The following GPC3 variants were observed in gnomAD, a reference collection of about 807,000 sequenced individuals.
The protein encoded by GPC3 is glypican 3, also known as glypican-3.
GPC3 carries 3 observed loss-of-function variants against 34.4 expected under a neutral mutation model. That is an observed-to-expected ratio of 0.09 (90% CI 0.04 to 0.23). The LOEUF is 0.23. GPC3 is among the 10% of genes least tolerant of loss of function. The pLI, the probability that GPC3 is intolerant of heterozygous loss-of-function variation, is 1.00. For synonymous variants in GPC3, 177 were observed against 174.0 expected, an observed-to-expected ratio of 1.02 and a Z score of -0.13; for missense variants, 351 against 445.6, an observed-to-expected ratio of 0.79 and a Z score of 1.91.
At chrX:133,817,014 T>G (rs749485526) in intron 2 of GPC3, among the ~76,000 whole-genome samples, 2 of 112,057 alleles carry the variant, frequency 1.8e-5, no homozygotes, top group Non-Finnish European at 3.8e-5. Flanking sequence ...ACAGTTTCCA[T>G]TGTACCCCGA....
chrX:133,879,296 G>T (rs1371951858), intron 2 of GPC3, among the ~76,000 whole-genome samples: 2 of 110,814 alleles, frequency 1.8e-5, no homozygotes, highest in Admixed American at 1.9e-4. Context: ...CATGTATAGA[G>T]TCCAGGTTTC....
Position 133,805,782 on chromosome X carries a change from C to T in GPC3, c.338-51606G>A, listed in dbSNP as rs73567020. Among the ~76,000 whole-genome samples the T allele has an allele frequency of 1.8e-3, 205 of 111,910 alleles. 1 individual carries two copies. Among genetic ancestry groups the T allele is most frequent in the African/African-American group, 5.8e-3 (180 of 30,832 alleles). On this transcript the variant is annotated intron_variant, in intron 2 of 7. Coordinates refer to ENST00000370818, the MANE Select transcript of GPC3 (RefSeq NM_004484.4). The stretch of plus-strand genomic sequence containing the variant: ...TAAAGTATATGGCACATAGCAGGCC[C>T]TGTATAAATGCTAGCTATTATCCTT...
chrX:133,978,491 C>T (rs1172814791), intron 1 of GPC3, among the ~76,000 whole-genome samples: 1 of 111,152 alleles, frequency 9.0e-6, no homozygotes. Context: ...AAATACTTAC[C>T]TCTTATAAGA....
chrX:133,871,383 C>T (rs886341331), intron 2 of GPC3, among the ~76,000 whole-genome samples: 1 of 111,970 alleles, frequency 8.9e-6, no homozygotes, highest in Non-Finnish European at 1.9e-5. Flanking sequence ...CTTACATCGA[C>T]CTCTAGCTTT....
At chrX:133,679,170 A>C (rs1569412409) in intron 5 of GPC3, among the ~76,000 whole-genome samples, 2 of 111,336 alleles carry the variant, frequency 1.8e-5, no homozygotes, top group Non-Finnish European at 3.8e-5. Flanking sequence ...GACATTCCTC[A>C]AGTCCTTGAG....
At chrX:133,810,752 A>T (rs925963378) in intron 2 of GPC3, among the ~76,000 whole-genome samples, 2 of 108,815 alleles carry the variant, frequency 1.8e-5, no homozygotes, top group Non-Finnish European at 3.8e-5. Context: ...AAAAATACAA[A>T]AAATTAGCCG....
intron 2 of GPC3, among the ~76,000 whole-genome samples, chrX:133,805,392 G>C (rs2056205864): frequency 9.0e-6 from 1 of 111,704 alleles, no homozygotes; most frequent in Admixed American, 9.5e-5. Flanking sequence ...AAAGGGAGCA[G>C]GGGCAGCCTA....
chrX:133,581,933 T>C (rs2069735488), intron 7 of GPC3, among the ~76,000 whole-genome samples: 1 of 112,357 alleles, frequency 8.9e-6, no homozygotes, highest in South Asian at 3.7e-4. Context: ...ATTTTAAGTT[T>C]ATTCTGTGCT....
At chrX:133,948,796 T>C (rs1032330711) in intron 2 of GPC3, among the ~76,000 whole-genome samples, 1 of 111,562 alleles carries the variant, frequency 9.0e-6, no homozygotes, top group African/African-American at 3.3e-5. Context: ...TAAGTACTCT[T>C]TTGTCTGTAC....
chrX:133,694,023 G>A (rs1449991452), intron 4 of GPC3, among the ~76,000 whole-genome samples: 1 of 110,443 alleles, frequency 9.1e-6, no homozygotes, highest in Non-Finnish European at 1.9e-5. Flanking sequence ...ACAGTATGAG[G>A]CCTTCTAAAT....
chrX:133,673,192 C>T (rs2070849944), intron 5 of GPC3, among the ~76,000 whole-genome samples: 1 of 112,359 alleles, frequency 8.9e-6, no homozygotes, highest in South Asian at 3.7e-4. Flanking sequence ...CCTGCCTCGG[C>T]CTCCCAAAGT....
intron 2 of GPC3, among the ~76,000 whole-genome samples, chrX:133,950,983 A>C (rs1168420086): frequency 9.2e-6 from 1 of 108,859 alleles, no homozygotes; most frequent in Non-Finnish European, 1.9e-5. Context: ...GCTCAGACAT[A>C]ATTTCATTGT....
Position 133,715,928 on chromosome X carries a change from C to T in GPC3, c.1033-15900G>A, listed in dbSNP as rs768450071. On this transcript the variant is annotated intron_variant, in intron 3 of 7. Transcript: ENST00000370818. The stretch of plus-strand genomic sequence containing the variant: ...GAAGTGAAGGCTAAGGCAGGGTCTT[C>T]AACTGCTAGGCTGAATGTTAAAGGT... Among the ~76,000 whole-genome samples the T allele has an allele frequency of 3.6e-5, 4 of 111,218 alleles. No individual in the cohort carries two copies. The East Asian group carries it at 1.1e-3, about 32-fold the overall frequency.
At chrX:133,673,269 G>C (rs2070850511) in intron 5 of GPC3, among the ~76,000 whole-genome samples, 1 of 112,673 alleles carries the variant, frequency 8.9e-6, no homozygotes, top group Non-Finnish European at 1.9e-5. Flanking sequence ...GATTTTAATT[G>C]ATGAAAATAT....
At chrX:133,718,242 C>T (rs999946919) in intron 3 of GPC3, among the ~76,000 whole-genome samples, 2 of 111,745 alleles carry the variant, frequency 1.8e-5, no homozygotes, top group African/African-American at 6.5e-5. Flanking sequence ...CTGTGTTGAT[C>T]GGAATACAAT....
At chrX:133,726,947 A>G (rs952209078) in intron 3 of GPC3, among the ~76,000 whole-genome samples, 11 of 111,576 alleles carry the variant, frequency 9.9e-5, no homozygotes, top group African/African-American at 3.6e-4. Context: ...ACTCAGCAAC[A>G]TGGGCCAGGA....
chrX:133,704,053 A>G (rs745736948), intron 3 of GPC3, among the ~76,000 whole-genome samples: 1 of 111,846 alleles, frequency 8.9e-6, no homozygotes, highest in East Asian at 2.8e-4. Context: ...CTTGGGCTGC[A>G]TGCAGCCTGC....
intron 2 of GPC3, among the ~76,000 whole-genome samples, chrX:133,807,614 G>C (rs981455533): frequency 3.6e-5 from 4 of 111,698 alleles, no homozygotes; most frequent in South Asian, 7.6e-4. Context: ...ACTCTTTCTA[G>C]ACTAGAAAAG....
At chrX:133,840,626 C>T (rs1397007652) in intron 2 of GPC3, among the ~76,000 whole-genome samples, 4 of 110,473 alleles carry the variant, frequency 3.6e-5, no homozygotes, top group African/African-American at 1.3e-4. Flanking sequence ...TCTTCATCAC[C>T]ATCATCATCA....
Sources: gnomAD v4.1 joint callset for allele counts (sites outside exome capture counted in the v4.1 genomes callset) on GRCh38, gnomAD v4.1.1 for gene constraint, MANE v1.5 for transcripts, NCBI Gene and HGNC (gene_info 2026-07-23, HGNC 2026-07-21) for gene names.